Variants in TENM2 observed in about 807,000 individuals in gnomAD.
The protein encoded by TENM2 is teneurin-2.
A neutral mutation model predicts 245.2 loss-of-function variants in TENM2; 52 were observed. The observed-to-expected ratio is 0.21, with a 90% CI of 0.17 to 0.27. The LOEUF (loss-of-function observed/expected upper bound fraction) is 0.27, where lower values mean the gene tolerates loss of function less well. TENM2 is among the 10% of genes least tolerant of loss of function. The probability of loss-of-function intolerance (pLI) is 1.00; values close to 1 mark genes in which losing one functional copy is unlikely to be tolerated. For missense variants in TENM2, 3,046 were observed against 3,666.8 expected (o/e 0.83, Z 4.37); for synonymous variants, 1,363 against 1,438.9 (o/e 0.95, Z 1.19).
At chr5:167,240,907 A>G in the TENM2 span, among the ~76,000 whole-genome samples, 1 of 152,188 alleles carries the variant, frequency 6.6e-6, no homozygotes, top group African/African-American at 2.4e-5. Context: ...AATGGGAAAC[A>G]GGTAGGGTGG....
intron 1 of TENM2, among the ~76,000 whole-genome samples, chr5:167,314,472 A>G (rs1240576054): frequency 6.6e-6 from 1 of 152,222 alleles, no homozygotes; most frequent in Non-Finnish European, 1.5e-5. Flanking sequence ...ATTTAGCAAC[A>G]TTCTAATTAA....
chr5:168,169,339 AC>A (rs1027699060), intron 13 of TENM2, among the ~76,000 whole-genome samples: 3 of 151,908 alleles, frequency 2.0e-5, no homozygotes, highest in African/African-American at 7.3e-5. Context: ...AGTATTTCCC[AC>A]CCTACCTCCA....
chr5:167,453,983 A>G (rs1157028863), intron 2 of TENM2, among the ~76,000 whole-genome samples: 1 of 152,174 alleles, frequency 6.6e-6, no homozygotes, highest in Non-Finnish European at 1.5e-5. Context: ...AATCAATGAA[A>G]ATGTGTATTT....
chr5:167,845,626 C>A (rs1029161685), intron 2 of TENM2, among the ~76,000 whole-genome samples: 2 of 152,060 alleles, frequency 1.3e-5, no homozygotes, highest in Non-Finnish European at 2.9e-5. Context: ...GGAATATGTA[C>A]CCCACTGAAG....
At chr5:166,998,875 A>G in the TENM2 span, among the ~76,000 whole-genome samples, 1 of 152,124 alleles carries the variant, frequency 6.6e-6, no homozygotes, top group African/African-American at 2.4e-5. Flanking sequence ...TGCAGATGAA[A>G]TATGTCTATA....
At chr5:168,048,656 A>G (rs1174306051) in intron 6 of TENM2, among the ~76,000 whole-genome samples, 1 of 152,128 alleles carries the variant, frequency 6.6e-6, no homozygotes, top group Non-Finnish European at 1.5e-5. Flanking sequence ...TCAAGCAGTC[A>G]TTTTCCACAA....
At chr5:168,219,824 C>CAAAA (rs70976468) in intron 23 of TENM2, among the ~76,000 whole-genome samples, 1,113 of 49,708 alleles carry the variant, frequency 0.022, 105 homozygotes, top group East Asian at 0.047. Flanking sequence ...GTTGGCACAG[C>CAAAA]AAAAAAAAAA....
chr5:167,652,040 TA>T (rs532415542), intron 2 of TENM2, among the ~76,000 whole-genome samples: 2 of 151,582 alleles, frequency 1.3e-5, no homozygotes, highest in Non-Finnish European at 2.9e-5. Flanking sequence ...CTTATTTCAC[TA>T]ACCTTTTTCT....
At chr5:167,148,691 G>A in the TENM2 span, among the ~76,000 whole-genome samples, 6 of 152,164 alleles carry the variant, frequency 3.9e-5, no homozygotes, top group Non-Finnish European at 7.3e-5. Context: ...GTGGTAAAAA[G>A]GGATTCCAAT....
At chr5:168,236,190 C>T (rs181905394) in intron 25 of TENM2, among the ~76,000 whole-genome samples, 2 of 152,266 alleles carry the variant, frequency 1.3e-5, no homozygotes, top group East Asian at 1.9e-4. Context: ...GAGCCCTCAT[C>T]GGGAGCCTCC....
At chr5:168,223,470 CTTTT>C (rs34029248) in intron 23 of TENM2, among the ~76,000 whole-genome samples, 3 of 137,028 alleles carry the variant, frequency 2.2e-5, no homozygotes, top group Admixed American at 7.3e-5. Flanking sequence ...CAAGTAATTT[CTTTT>C]TTTTTTTTTT....
At chr5:167,711,274 G>A (rs1035483743) in intron 2 of TENM2, among the ~76,000 whole-genome samples, 3 of 152,128 alleles carry the variant, frequency 2.0e-5, no homozygotes, top group South Asian at 2.1e-4. Flanking sequence ...ACTAACTTCC[G>A]GGAATATGGG....
intron 27 of TENM2, among the ~76,000 whole-genome samples, chr5:168,256,212 A>G (rs1351143688): frequency 6.7e-6 from 1 of 149,170 alleles, no homozygotes; most frequent in Non-Finnish European, 1.5e-5. Flanking sequence ...ATATATATAT[A>G]TGTCTATATG....
At chr5:167,661,261 C>CCTTCAAAT (rs1370829657) in intron 2 of TENM2, among the ~76,000 whole-genome samples, 9 of 152,268 alleles carry the variant, frequency 5.9e-5, no homozygotes, top group African/African-American at 2.2e-4. Flanking sequence ...TAAACCAGCC[C>CCTTCAAAT]CTTCAAATGT....
chr5:168,221,917 A>G (rs1763705379), intron 23 of TENM2, among the ~76,000 whole-genome samples: 1 of 152,178 alleles, frequency 6.6e-6, no homozygotes, highest in Non-Finnish European at 1.5e-5. Context: ...CTGAGCCTCA[A>G]TGTCTCATCT....
At chr5:168,100,593 A>T (rs1237190284) in intron 9 of TENM2, among the ~76,000 whole-genome samples, 1 of 152,164 alleles carries the variant, frequency 6.6e-6, no homozygotes, top group Non-Finnish European at 1.5e-5. Flanking sequence ...AGGGACATGG[A>T]TGAAGCTGGA....
chr5:167,443,766 C>G (rs557712729), intron 2 of TENM2, among the ~76,000 whole-genome samples: 2 of 152,094 alleles, frequency 1.3e-5, no homozygotes, highest in East Asian at 3.9e-4. Context: ...CCTATGTTTT[C>G]TAATTTATTA....
At chr5:167,545,490 A>G (rs927740558) in intron 2 of TENM2, among the ~76,000 whole-genome samples, 1 of 152,206 alleles carries the variant, frequency 6.6e-6, no homozygotes, top group Non-Finnish European at 1.5e-5. Context: ...CTAGATAAAC[A>G]TGTTTTTTAA....
At chr5:168,173,351 C>G (rs1216735240) in intron 13 of TENM2, among the ~76,000 whole-genome samples, 4 of 152,148 alleles carry the variant, frequency 2.6e-5, no homozygotes, top group African/African-American at 9.7e-5. Flanking sequence ...TGCTGCGTTG[C>G]CACCAAAAGG....
Sources: allele counts gnomAD v4.1 joint callset (sites outside exome capture counted in the v4.1 genomes callset), GRCh38; gene constraint gnomAD v4.1.1; transcripts MANE v1.5; gene names NCBI Gene and HGNC (gene_info 2026-07-23, HGNC 2026-07-21).